CEP112: variants seen among roughly 807,000 people sequenced by gnomAD.
CEP112 encodes centrosomal protein of 112 kDa.
Under a neutral mutation model 153.0 loss-of-function variants are expected in CEP112, and 127 were observed. That is an observed-to-expected ratio of 0.83 (90% confidence interval 0.72 to 0.96). The LOEUF is 0.96. CEP112 is among the 40% of genes least tolerant of loss of function. The pLI, the probability that CEP112 is intolerant of heterozygous loss-of-function variation, is 0.00. For synonymous variants in CEP112, 358 were observed against 374.4 expected (o/e 0.96, Z 0.51); for missense variants, 1,089 against 1,101.2 (o/e 0.99, Z 0.16).
At chr17:65,980,789 T>A (rs2063199239) in intron 17 of CEP112, among the ~76,000 whole-genome samples, 1 of 152,140 alleles carries the variant, frequency 6.6e-6, no homozygotes, top group Admixed American at 6.5e-5. Flanking sequence ...TTTTTCTTTT[T>A]TTGAGGGGGA....
intron 2 of CEP112, among the ~76,000 whole-genome samples, chr17:66,177,595 CTTAG>C (rs2072540188): frequency 1.3e-5 from 2 of 152,102 alleles, no homozygotes; most frequent in East Asian, 1.9e-4. Context: ...CAATTATACT[CTTAG>C]TTATTTTTAA....
At chr17:66,026,991 T>A (rs1263190123) in intron 16 of CEP112, among the ~76,000 whole-genome samples, 2 of 152,204 alleles carry the variant, frequency 1.3e-5, no homozygotes, top group African/African-American at 4.8e-5. Context: ...AATGTTGATA[T>A]AACTAATAAT....
At chr17:65,674,863 A>C (rs2047150608) in intron 24 of CEP112, among the ~76,000 whole-genome samples, 1 of 152,230 alleles carries the variant, frequency 6.6e-6, no homozygotes, top group African/African-American at 2.4e-5. Context: ...CAAGAGAAAC[A>C]AAAGACAATG....
chr17:65,802,497 C>T (rs1380755835), intron 21 of CEP112, among the ~76,000 whole-genome samples: 1 of 152,124 alleles, frequency 6.6e-6, no homozygotes, highest in African/African-American at 2.4e-5. Context: ...ATGTCTCTAG[C>T]TCAACAGGTC....
intron 17 of CEP112, among the ~76,000 whole-genome samples, chr17:65,989,176 A>C (rs1312973721): frequency 1.3e-5 from 2 of 151,212 alleles, no homozygotes; most frequent in African/African-American, 4.9e-5. Flanking sequence ...CAGAGCTTGC[A>C]GTGAACCAAG....
At chr17:65,839,088 T>C (rs1242949915) in intron 21 of CEP112, among the ~76,000 whole-genome samples, 1 of 152,030 alleles carries the variant, frequency 6.6e-6, no homozygotes, top group Non-Finnish European at 1.5e-5. Flanking sequence ...AGAACTAATA[T>C]CAATTCTACT....
intron 23 of CEP112, among the ~76,000 whole-genome samples, chr17:65,741,807 C>T (rs1483804339): frequency 6.6e-6 from 1 of 151,500 alleles, no homozygotes; most frequent in South Asian, 2.1e-4. Context: ...ACAAAATATG[C>T]AATGCAGTTT....
At chr17:66,029,576 T>C (rs972705239) in intron 13 of CEP112, among the ~76,000 whole-genome samples, 1 of 151,996 alleles carries the variant, frequency 6.6e-6, no homozygotes, top group Non-Finnish European at 1.5e-5. Context: ...TGGTGGTGCA[T>C]GCCTGCAGTC....
At chr17:65,819,572 C>G (rs2056431369) in intron 21 of CEP112, among the ~76,000 whole-genome samples, 1 of 151,908 alleles carries the variant, frequency 6.6e-6, no homozygotes, top group African/African-American at 2.4e-5. Context: ...AGCACAGAAA[C>G]CTGGCAGATA....
intron 17 of CEP112, among the ~76,000 whole-genome samples, chr17:65,991,153 G>A (rs143624152): frequency 1.7e-3 from 258 of 152,208 alleles, no homozygotes; most frequent in African/African-American, 6.1e-3. Context: ...GAGTGGCCAC[G>A]ACAAAGAATA....
At chr17:65,732,018 G>T (rs1051437578) in intron 23 of CEP112, among the ~76,000 whole-genome samples, 1 of 152,158 alleles carries the variant, frequency 6.6e-6, no homozygotes, top group African/African-American at 2.4e-5. Context: ...TGTTCTTAAT[G>T]GCTCTAAAAT....
At chr17:65,973,186 G>T (rs917786200) in intron 17 of CEP112, among the ~76,000 whole-genome samples, 6 of 152,046 alleles carry the variant, frequency 3.9e-5, no homozygotes, top group African/African-American at 1.4e-4. Flanking sequence ...TGTGACCTTG[G>T]GTTAGAAAAA....
chr17:65,735,636 T>C (rs1283344823), intron 23 of CEP112, among the ~76,000 whole-genome samples: 1 of 152,216 alleles, frequency 6.6e-6, no homozygotes, highest in Non-Finnish European at 1.5e-5. Context: ...ATTTTATTGC[T>C]TTTTATTTTT....
chr17:65,657,540 G>A (rs2046122506), intron 24 of CEP112, among the ~76,000 whole-genome samples: 1 of 152,172 alleles, frequency 6.6e-6, no homozygotes, highest in Admixed American at 6.5e-5. Flanking sequence ...CCCTGAAAGC[G>A]TTTGGGGAAA....
intron 18 of CEP112, among the ~76,000 whole-genome samples, chr17:65,959,564 G>A (rs536789217): frequency 4.6e-4 from 70 of 152,322 alleles, no homozygotes; most frequent in African/African-American, 1.4e-3. Context: ...AGACCTGGGC[G>A]CTCCCGAGCC....
chr17:65,710,214 T>C (rs1454327710), intron 23 of CEP112, among the ~76,000 whole-genome samples: 1 of 152,234 alleles, frequency 6.6e-6, no homozygotes, highest in Non-Finnish European at 1.5e-5. Flanking sequence ...ACTTGGTTTC[T>C]ATTAAGGACA....
intron 24 of CEP112, among the ~76,000 whole-genome samples, chr17:65,683,514 T>C (rs1249600942): frequency 6.6e-6 from 1 of 152,150 alleles, no homozygotes; most frequent in African/African-American, 2.4e-5. Context: ...GCTGGCAGAA[T>C]GCTGATTCCT....
intron 18 of CEP112, among the ~76,000 whole-genome samples, chr17:65,950,699 C>CTATTAGTAGTAGTAG (rs57598697): frequency 4.1e-5 from 6 of 147,134 alleles, no homozygotes; most frequent in African/African-American, 1.5e-4. Context: ...GGATACATTA[C>CTATTAGTAGTAGTAG]TAGTAGTAGT....
At chr17:65,975,703 T>C (rs1255270339) in intron 17 of CEP112, among the ~76,000 whole-genome samples, 1 of 152,170 alleles carries the variant, frequency 6.6e-6, no homozygotes, top group Admixed American at 6.5e-5. Context: ...ATTTAAAACT[T>C]TAAATGCATA....
Sources: gnomAD v4.1 joint callset for allele counts (sites outside exome capture counted in the v4.1 genomes callset) on GRCh38, gnomAD v4.1.1 for gene constraint, MANE v1.5 for transcripts, NCBI Gene and HGNC (gene_info 2026-07-23, HGNC 2026-07-21) for gene names.